CACNA2D3: variants seen among roughly 807,000 people sequenced by gnomAD.
The protein encoded by CACNA2D3 is voltage-dependent calcium channel subunit alpha-2/delta-3.
Under a neutral mutation model 160.6 loss-of-function variants are expected in CACNA2D3, and 60 were observed. That is an observed-to-expected ratio of 0.37 (90% CI 0.30 to 0.46). CACNA2D3 has a LOEUF of 0.46. Ranked by LOEUF, CACNA2D3 falls within the 20% of genes least tolerant of loss-of-function variation. CACNA2D3 has a pLI of 1.00. For synonymous variants in CACNA2D3, 558 were observed against 492.9 expected (o/e 1.13, Z -1.75); for missense variants, 1,205 against 1,365.0 (o/e 0.88, Z 1.85).
At chr3:55,070,915 C>T (rs1341526634) in intron 35 of CACNA2D3, among the ~76,000 whole-genome samples, 1 of 152,018 alleles carries the variant, frequency 6.6e-6, no homozygotes, top group African/African-American at 2.4e-5. Flanking sequence ...TTGCAGTTCC[C>T]TGTGTTTGAA....
Position 54,972,013 on chromosome 3 carries a change from A to G in CACNA2D3, c.2556+2169A>G, listed in dbSNP as rs557388225. Reference sequence around the variant, plus strand: ...ATGTTGTTTATAAATTTAAAAAAAAACAAACTCTGAAGATGTTTTCTTCCA... The same window carrying G: ...ATGTTGTTTATAAATTTAAAAAAAAGCAAACTCTGAAGATGTTTTCTTCCA... On this transcript the variant is annotated intron_variant, in intron 29 of 37. Transcript: ENST00000474759. Among the ~76,000 whole-genome samples the G allele has an allele frequency of 4.6e-4, 70 of 152,194 alleles. 1 individual carries two copies. The South Asian group carries it at 7.1e-3, about 15-fold the overall frequency.
intron 27 of CACNA2D3, among the ~76,000 whole-genome samples, chr3:54,908,114 A>G (rs1169281696): frequency 6.6e-6 from 1 of 152,184 alleles, no homozygotes; most frequent in Non-Finnish European, 1.5e-5. Flanking sequence ...TCTGTTTGGT[A>G]TTTGGAAGAA....
chr3:54,463,902 T>C (rs1700557519), intron 4 of CACNA2D3, among the ~76,000 whole-genome samples: 1 of 152,192 alleles, frequency 6.6e-6, no homozygotes, highest in Non-Finnish European at 1.5e-5. Context: ...CTTTGTGGTT[T>C]TATCTACTTT....
intron 3 of CACNA2D3, among the ~76,000 whole-genome samples, chr3:54,363,331 G>C (rs1698776783): frequency 6.6e-6 from 1 of 152,136 alleles, no homozygotes; most frequent in Non-Finnish European, 1.5e-5. Context: ...CCCTTAACCA[G>C]TTATAGTGCA....
At chr3:54,968,048 G>C (rs976561587) in intron 27 of CACNA2D3, among the ~76,000 whole-genome samples, 1 of 152,088 alleles carries the variant, frequency 6.6e-6, no homozygotes, top group African/African-American at 2.4e-5. Flanking sequence ...CACATGCAGA[G>C]TACACATTTT....
At chr3:55,011,509 T>G (rs1385087963) in intron 34 of CACNA2D3, among the ~76,000 whole-genome samples, 1 of 152,108 alleles carries the variant, frequency 6.6e-6, no homozygotes, top group Admixed American at 6.5e-5. Context: ...TACAATAAAT[T>G]ACAACCCATC....
chr3:54,939,774 A>C (rs1054135656), intron 27 of CACNA2D3, among the ~76,000 whole-genome samples: 8 of 152,198 alleles, frequency 5.3e-5, no homozygotes, highest in African/African-American at 1.7e-4. Context: ...TCTATAGACC[A>C]GTAGCGGGAG....
chr3:54,564,305 A>G (rs1487236376), intron 6 of CACNA2D3, among the ~76,000 whole-genome samples: 1 of 152,098 alleles, frequency 6.6e-6, no homozygotes, highest in Non-Finnish European at 1.5e-5. Flanking sequence ...TTTGTGTAAT[A>G]GGGGAGATTA....
intron 17 of CACNA2D3, among the ~76,000 whole-genome samples, chr3:54,854,216 C>T (rs1051225514): frequency 2.0e-5 from 3 of 152,130 alleles, no homozygotes; most frequent in East Asian, 3.9e-4. Context: ...TGTGACCCCA[C>T]GTAGCGAGCC....
intron 33 of CACNA2D3, among the ~76,000 whole-genome samples, chr3:55,008,049 A>C (rs1025001716): frequency 6.6e-6 from 1 of 152,196 alleles, no homozygotes; most frequent in Admixed American, 6.5e-5. Context: ...TCCTTATGCT[A>C]TTAGGTCATC....
intron 17 of CACNA2D3, among the ~76,000 whole-genome samples, chr3:54,862,405 GCACACA>G (rs1306488649): frequency 7.2e-6 from 1 of 138,664 alleles, no homozygotes; most frequent in African/African-American, 2.7e-5. Flanking sequence ...ACACACACAC[GCACACA>G]CACGCACACG....
At chr3:54,220,098 G>C (rs1701538906) in intron 2 of CACNA2D3, among the ~76,000 whole-genome samples, 1 of 151,874 alleles carries the variant, frequency 6.6e-6, no homozygotes, top group Non-Finnish European at 1.5e-5. Context: ...CCATACAAAG[G>C]ACTGCTTAAA....
rs1431286139 is a variant in CACNA2D3, at chr3:54,727,062, A to G, written c.1168-25537A>G. Among the ~76,000 whole-genome samples, 5 of 151,930 alleles carry G rather than the reference A, an allele frequency of 3.3e-5. No homozygotes were observed. The East Asian group carries it at 9.7e-4, about 29-fold the overall frequency. On this transcript the variant is annotated intron_variant, in intron 11 of 37. Transcript: ENST00000474759. ...GAATCTACAAAGAACTGAAATGTAT[A>G]AGAGAAAAACAACCCCATCAAAAAG... is the stretch of plus-strand genomic sequence containing the variant.
At chr3:54,460,599 T>G (rs1005221111) in intron 4 of CACNA2D3, among the ~76,000 whole-genome samples, 81 of 152,184 alleles carry the variant, frequency 5.3e-4, no homozygotes, top group Non-Finnish European at 9.7e-4. Context: ...TGTATAAGAA[T>G]GCTTGTGATT....
intron 31 of CACNA2D3, among the ~76,000 whole-genome samples, chr3:54,996,499 C>T (rs972294566): frequency 6.6e-6 from 1 of 152,168 alleles, no homozygotes; most frequent in Non-Finnish European, 1.5e-5. Flanking sequence ...GAGCAACATC[C>T]GCTCTGAGTG....
intron 9 of CACNA2D3, chr3:54,626,263 C>T (rs1360491584): frequency 3.1e-6 from 4 of 1,282,974 alleles, no homozygotes; most frequent in Middle Eastern, 2.6e-4. Context: ...GTTCACCTAC[C>T]GTGGCGTGGA....
chr3:54,548,196 G>C (rs1702096020), intron 5 of CACNA2D3, among the ~76,000 whole-genome samples: 1 of 152,174 alleles, frequency 6.6e-6, no homozygotes, highest in Non-Finnish European at 1.5e-5. Flanking sequence ...GACATCTCCA[G>C]TCCTGCCCAA....
chr3:55,049,851 T>G (rs1704148847), intron 35 of CACNA2D3, among the ~76,000 whole-genome samples: 1 of 146,746 alleles, frequency 6.8e-6, no homozygotes, highest in African/African-American at 2.5e-5. Context: ...CCTTTACCAT[T>G]ATGTAATAGC....
intron 4 of CACNA2D3, among the ~76,000 whole-genome samples, chr3:54,421,621 G>T (rs1699837527): frequency 6.6e-6 from 1 of 152,096 alleles, no homozygotes; most frequent in South Asian, 2.1e-4. Flanking sequence ...CCACAGAGGG[G>T]TGGGGCAGCG....
Sources: allele counts gnomAD v4.1 joint callset (sites outside exome capture counted in the v4.1 genomes callset), GRCh38; gene constraint gnomAD v4.1.1; transcripts MANE v1.5; gene names NCBI Gene and HGNC (gene_info 2026-07-23, HGNC 2026-07-21).